ADAMTS20: variants seen among roughly 807,000 people sequenced by gnomAD.
ADAMTS20 encodes ADAM metallopeptidase with thrombospondin type 1 motif 20.
ADAMTS20 carries 225 observed loss-of-function variants against 260.1 expected under a neutral mutation model. The ratio of observed to expected loss-of-function variants is 0.87; its 90% CI spans 0.78 to 0.97. ADAMTS20 has a LOEUF of 0.97. Among genes scored for constraint, ADAMTS20 ranks in the 50% least tolerant of loss-of-function variants. The pLI, the probability that ADAMTS20 is intolerant of heterozygous loss-of-function variation, is 0.00. For missense variants in ADAMTS20, 2,400 were observed against 2,337.7 expected (o/e 1.03, Z -0.55); for synonymous variants, 802 against 769.5 (o/e 1.04, Z -0.70).
rs762002869 is a variant in ADAMTS20, at chr12:43,427,418, C to T, written c.3997G>A (p.Asp1333Asn). The change falls in exon 27 of 39, where the codon GAT (aspartate) becomes AAT (asparagine). Residue 1333 changes from aspartate (D) to asparagine (N), a missense_variant. By Grantham distance (23) the Asp-to-Asn change is conservative. Coordinates refer to ENST00000389420, the MANE Select transcript of ADAMTS20 (RefSeq NM_025003.5). The part of the protein sequence containing the change: ...GLQHRAVVCQ[D>N]ENGQSASYCD... ...TAACTAGCACTTTGTCCATTTTCAT[C>T]CTGGCAGACCACAGCCCTATGCTGA... 2.0e-5 allele frequency: 33 copies of T among 1,613,722 alleles called. No individual in the cohort carries two copies. Among genetic ancestry groups the T allele is most frequent in the Non-Finnish European group, 2.7e-5 (32 of 1,179,824 alleles).
chr12:43,529,237 G>C (rs1943187742), intron 3 of ADAMTS20, among the ~76,000 whole-genome samples: 1 of 152,152 alleles, frequency 6.6e-6, no homozygotes, highest in African/African-American at 2.4e-5. Flanking sequence ...ATGGAAACCT[G>C]TATGGAGATT....
intron 37 of ADAMTS20, 43 bp downstream of exon 37, chr12:43,369,247 T>G (rs1460515057): frequency 7.9e-7 from 1 of 1,263,702 alleles, no homozygotes; most frequent in Non-Finnish European, 1.0e-6. Flanking sequence ...AGCTATAATT[T>G]TTTTCACAAA....
chr12:43,378,435 T>G (rs1032049140), intron 31 of ADAMTS20, among the ~76,000 whole-genome samples: 1 of 152,170 alleles, frequency 6.6e-6, no homozygotes, highest in Admixed American at 6.5e-5. Context: ...TCCCTCCAGC[T>G]AGACTGGAAA....
intron 8 of ADAMTS20, among the ~76,000 whole-genome samples, chr12:43,467,879 C>T (rs1942183963): frequency 6.6e-6 from 1 of 152,118 alleles, no homozygotes; most frequent in South Asian, 2.1e-4. Flanking sequence ...GTCAAACTAA[C>T]AGAGGCAACT....
intron 28 of ADAMTS20, among the ~76,000 whole-genome samples, chr12:43,411,596 G>A (rs1475234071): frequency 6.6e-6 from 1 of 152,042 alleles, no homozygotes; most frequent in Non-Finnish European, 1.5e-5. Flanking sequence ...TTGAACTTCT[G>A]ACCTCAGGTG....
At chr12:43,514,063 TAA>T (rs940962121) in intron 3 of ADAMTS20, among the ~76,000 whole-genome samples, 1 of 123,196 alleles carries the variant, frequency 8.1e-6, no homozygotes, top group African/African-American at 3.1e-5. Context: ...AGTATAATTT[TAA>T]AAAAAAGAGA....
Position 43,377,408 on chromosome 12 carries a change from C to T in ADAMTS20, c.4952G>A (p.Ser1651Asn), listed in dbSNP as rs763036919. Residue 1651 changes from serine to asparagine, a missense_variant, in exon 32 of 39, where the codon AGC becomes AAC. Ser to Asn is a conservative substitution (Grantham distance 46). Coordinates refer to ENST00000389420, the MANE Select transcript of ADAMTS20 (RefSeq NM_025003.5). ...PSSQVYQCINSCLHLATWKVG... is the reference protein window; with the variant it reads ...PSSQVYQCINNCLHLATWKVG... ...TTTCCAAGTGGCCAAATGCAAACAG[C>T]TGTTAATGCATTGGTAAACCTGAGA... 14 of 1,613,218 alleles carry T rather than the reference C, an allele frequency of 8.7e-6. No individual in the cohort carries two copies. Among genetic ancestry groups the T allele is most frequent in the Non-Finnish European group, 1.2e-5 (14 of 1,179,576 alleles).
rs758587634 is a variant in ADAMTS20, at chr12:43,427,468, C to A, written c.3947G>T (p.Cys1316Phe). The A allele has an allele frequency of 6.2e-7, 1 of 1,605,974 alleles. No homozygotes were observed. The change falls in exon 27 of 39, where the codon TGC becomes TTC. Residue 1316 changes from cysteine (C) to phenylalanine (F), a missense_variant and splice_region_variant. Physicochemically the swap from Cys to Phe is radical, Grantham distance 205. Transcript: ENST00000389420. ...AAGACCTCCAGAACAACTGCTGGAG[C>A]ACTGACAAGAATAAAACACAAAATA... ...NQWRTGPWGSCSSSCSGGLQH... is the reference protein window; with the variant it reads ...NQWRTGPWGSFSSSCSGGLQH...
At chr12:43,471,987 A>G (rs1421767846) in intron 7 of ADAMTS20, among the ~76,000 whole-genome samples, 1 of 151,904 alleles carries the variant, frequency 6.6e-6, no homozygotes, top group East Asian at 1.9e-4. Context: ...CTGGATGGAG[A>G]ATGACTTTGA....
At chr12:43,458,837 C>T (rs959000904) in intron 11 of ADAMTS20, among the ~76,000 whole-genome samples, 1 of 152,126 alleles carries the variant, frequency 6.6e-6, no homozygotes, top group African/African-American at 2.4e-5. Context: ...ACTAAGAATC[C>T]CTAAGCCTAG....
chr12:43,451,879 G>T (rs118162837), intron 14 of ADAMTS20, among the ~76,000 whole-genome samples: 1 of 152,126 alleles, frequency 6.6e-6, no homozygotes, highest in African/African-American at 2.4e-5. Flanking sequence ...GCTGGAAAGA[G>T]GAAGGGAGAA....
intron 18 of ADAMTS20, among the ~76,000 whole-genome samples, chr12:43,438,852 C>A (rs1941605767): frequency 6.6e-6 from 1 of 152,172 alleles, no homozygotes; most frequent in Admixed American, 6.5e-5. Context: ...CTGCTCCCTC[C>A]ACCTTTTCTG....
intron 3 of ADAMTS20, among the ~76,000 whole-genome samples, chr12:43,526,182 C>T (rs764410724): frequency 2.0e-4 from 31 of 152,196 alleles, no homozygotes; most frequent in South Asian, 4.1e-4. Context: ...CGGCCAGGCG[C>T]GCAGTGGCTC....
At chr12:43,380,003 G>T (rs373490661) in intron 31 of ADAMTS20, among the ~76,000 whole-genome samples, 1 of 149,868 alleles carries the variant, frequency 6.7e-6, no homozygotes, top group Non-Finnish European at 1.5e-5. Flanking sequence ...AAAAACTATA[G>T]ACCAGTAGTT....
intron 3 of ADAMTS20, among the ~76,000 whole-genome samples, chr12:43,504,302 C>T (rs1439335065): frequency 2.6e-5 from 4 of 152,180 alleles, no homozygotes; most frequent in Non-Finnish European, 5.9e-5. Context: ...GTGCATTTCT[C>T]TAACGATTAG....
intron 37 of ADAMTS20, among the ~76,000 whole-genome samples, chr12:43,365,509 G>C (rs1592027422): frequency 6.6e-6 from 1 of 151,914 alleles, no homozygotes; most frequent in East Asian, 1.9e-4. Context: ...ACAGATGGAA[G>C]CAAAGCTGTT....
intron 11 of ADAMTS20, among the ~76,000 whole-genome samples, chr12:43,455,799 C>T (rs575658881): frequency 1.3e-5 from 2 of 152,058 alleles, no homozygotes; most frequent in East Asian, 3.9e-4. Context: ...ACCTCCGCCT[C>T]CCACATTCAT....
chr12:43,540,654 T>C (rs1269587742), intron 2 of ADAMTS20, among the ~76,000 whole-genome samples: 1 of 151,172 alleles, frequency 6.6e-6, no homozygotes, highest in African/African-American at 2.4e-5. Context: ...AAAAAACAGG[T>C]GGTTCATAGA....
intron 28 of ADAMTS20, among the ~76,000 whole-genome samples, chr12:43,420,202 C>G (rs1303257566): frequency 6.6e-6 from 1 of 152,198 alleles, no homozygotes; most frequent in African/African-American, 2.4e-5. Context: ...AGGAATCTCA[C>G]CCGGCATTCT....
Sources: allele counts gnomAD v4.1 joint callset (sites outside exome capture counted in the v4.1 genomes callset), GRCh38; gene constraint gnomAD v4.1.1; transcripts MANE v1.5; gene names NCBI Gene and HGNC (gene_info 2026-07-23, HGNC 2026-07-21).